Variants in CADPS2 observed in about 807,000 individuals in gnomAD.
CADPS2 encodes the protein calcium dependent secretion activator 2, also known as calcium-dependent secretion activator 2.
In CADPS2, 93 loss-of-function variants were observed where a neutral mutation model predicts 172.5. That is an observed-to-expected ratio of 0.54 (90% CI 0.46 to 0.64). CADPS2 has a LOEUF of 0.64. Among genes scored for constraint, CADPS2 ranks in the 30% least tolerant of loss-of-function variants. The probability of loss-of-function intolerance (pLI) is 0.00; values close to 1 mark genes in which losing one functional copy is unlikely to be tolerated. For synonymous variants in CADPS2, 546 were observed against 555.2 expected (o/e 0.98, Z 0.23); for missense variants, 1,420 against 1,565.9 (o/e 0.91, Z 1.57).
At chr7:122,412,477 G>A (rs1342858034) in intron 19 of CADPS2, among the ~76,000 whole-genome samples, 1 of 152,096 alleles carries the variant, frequency 6.6e-6, no homozygotes, top group Non-Finnish European at 1.5e-5. Context: ...GATATTTAGG[G>A]GAATGCACAT....
chr7:122,875,645 A>T (rs971146118), intron 1 of CADPS2, among the ~76,000 whole-genome samples: 1 of 152,204 alleles, frequency 6.6e-6, no homozygotes, highest in Non-Finnish European at 1.5e-5. Context: ...TACTAAAGAG[A>T]AAACAAATTT....
At chr7:122,405,589 G>A (rs1042222730) in intron 20 of CADPS2, among the ~76,000 whole-genome samples, 2 of 152,124 alleles carry the variant, frequency 1.3e-5, no homozygotes, top group African/African-American at 2.4e-5. Context: ...CTTGAACTTC[G>A]GAGGCCACTG....
intron 6 of CADPS2, among the ~76,000 whole-genome samples, chr7:122,599,502 C>G (rs973236767): frequency 6.6e-5 from 10 of 151,852 alleles, no homozygotes; most frequent in Non-Finnish European, 1.0e-4. Context: ...CTAGAAATAC[C>G]ACATACTGAG....
At chr7:122,712,883 C>A (rs909793311) in intron 2 of CADPS2, among the ~76,000 whole-genome samples, 1 of 151,982 alleles carries the variant, frequency 6.6e-6, no homozygotes, top group African/African-American at 2.4e-5. Context: ...TAATTCTACT[C>A]ATGTGGGCTC....
intron 5 of CADPS2, 58 bp downstream of exon 5, chr7:122,621,423 A>G: frequency 8.9e-7 from 1 of 1,120,542 alleles, no homozygotes; most frequent in East Asian, 2.4e-5. Flanking sequence ...GGTCAACAGA[A>G]ATTATTGTGC....
chr7:122,483,022 G>A (rs1434296631), intron 11 of CADPS2, among the ~76,000 whole-genome samples: 1 of 152,222 alleles, frequency 6.6e-6, no homozygotes, highest in East Asian at 1.9e-4. Flanking sequence ...CAGGTTATCA[G>A]TTAGAGTATT....
intron 1 of CADPS2, among the ~76,000 whole-genome samples, chr7:122,851,961 C>A (rs553585066): frequency 2.6e-4 from 39 of 152,272 alleles, no homozygotes; most frequent in Admixed American, 1.0e-3. Flanking sequence ...CATAGCCACA[C>A]AGACATGGGT....
chr7:122,486,210 A>T (rs1334542567), intron 11 of CADPS2, among the ~76,000 whole-genome samples: 1 of 152,190 alleles, frequency 6.6e-6, no homozygotes, highest in East Asian at 1.9e-4. Flanking sequence ...AATACATTTT[A>T]TAAGGCTATA....
intron 3 of CADPS2, among the ~76,000 whole-genome samples, chr7:122,660,590 A>T (rs1035534941): frequency 6.9e-6 from 1 of 144,686 alleles, no homozygotes; most frequent in African/African-American, 2.6e-5. Flanking sequence ...AAAGACCAAG[A>T]TGATCAGTCT....
chr7:122,685,086 A>G (rs1448787930), intron 2 of CADPS2, among the ~76,000 whole-genome samples: 1 of 152,188 alleles, frequency 6.6e-6, no homozygotes, highest in Non-Finnish European at 1.5e-5. Context: ...CATGTGGAAT[A>G]GCAATGTTAT....
chr7:122,413,598 A>G (rs903260981), intron 19 of CADPS2, among the ~76,000 whole-genome samples: 1 of 152,184 alleles, frequency 6.6e-6, no homozygotes, highest in Non-Finnish European at 1.5e-5. Flanking sequence ...ATTAACCTCC[A>G]CCAAGGGAGC....
At chr7:122,336,380 T>G (rs1057149372) in intron 28 of CADPS2, among the ~76,000 whole-genome samples, 1 of 152,168 alleles carries the variant, frequency 6.6e-6, no homozygotes, top group Non-Finnish European at 1.5e-5. Context: ...GTAGTAGCTA[T>G]CTGTTCTATG....
chr7:122,390,227 A>G (rs1030012836), intron 22 of CADPS2, among the ~76,000 whole-genome samples: 3 of 152,088 alleles, frequency 2.0e-5, no homozygotes, highest in Non-Finnish European at 4.4e-5. Context: ...CAAATGCACC[A>G]TTAAATAAGA....
intron 4 of CADPS2, among the ~76,000 whole-genome samples, chr7:122,622,806 C>G (rs1465490064): frequency 1.3e-5 from 2 of 152,140 alleles, no homozygotes; most frequent in East Asian, 1.9e-4. Context: ...TGTTGTCTCC[C>G]TTGACATCAT....
chr7:122,587,656 A>C lies in CADPS2; in HGVS notation c.1224-6366T>G, dbSNP rs558438369. Reference sequence around the variant, plus strand: ...GTAATGGGATTGCTGTGTCAATTCCATGTCTTTGCTATTGTGAATAGTGCT... The same window carrying C: ...GTAATGGGATTGCTGTGTCAATTCCCTGTCTTTGCTATTGTGAATAGTGCT... On this transcript the variant is annotated intron_variant, in intron 6 of 29. Transcript: ENST00000449022. 7.2e-4 allele frequency among the ~76,000 whole-genome samples: 110 copies of C among 152,006 alleles called. 1 individual carries two copies. Among genetic ancestry groups the C allele is most frequent in the African/African-American group, 2.5e-3 (105 of 41,484 alleles).
intron 27 of CADPS2, among the ~76,000 whole-genome samples, chr7:122,355,738 A>G (rs1353547232): frequency 1.3e-5 from 2 of 152,182 alleles, no homozygotes; most frequent in East Asian, 3.8e-4. Context: ...AAGAACTCAC[A>G]TGGTGACAGA....
In CADPS2 at chr7:122,472,357, G is replaced by GAAGAA. The variant is rs371052408; in HGVS notation, c.1999-800_1999-796dup. Among the ~76,000 whole-genome samples, 1,081 of 152,176 alleles carry GAAGAA rather than the reference G, an allele frequency of 7.1e-3. 5 individuals are homozygous for GAAGAA. Among genetic ancestry groups the GAAGAA allele is most frequent in the Non-Finnish European group, 0.012 (846 of 68,020 alleles). ...GTGAGAAGGCAATAAAGGAAAGGAG[G>GAAGAA]AAGAAAAGAAAAGGAGTAAGAGAAG... On this transcript the variant is annotated intron_variant, in intron 13 of 29. Transcript: ENST00000449022.
At chr7:122,584,770 C>T (rs570513969) in intron 6 of CADPS2, among the ~76,000 whole-genome samples, 1 of 152,060 alleles carries the variant, frequency 6.6e-6, no homozygotes, top group East Asian at 1.9e-4. Flanking sequence ...CAGCTGTTTA[C>T]AGGTGTGATT....
Position 122,574,445 on chromosome 7 carries a change from T to TTAAAAAAA in CADPS2, c.1335+6733_1335+6734insTTTTTTTA, listed in dbSNP as rs1458311901. ...TGGGTGATAGAGTGAGACCCTGTCTTAAAAAAAAAAAAAAAAAAAAAAAGT... is the reference window on the plus strand; with the variant it reads ...TGGGTGATAGAGTGAGACCCTGTCTTTAAAAAAAAAAAAAAAAAAAAAAAAAAAAAAGT... On this transcript the variant is annotated intron_variant, in intron 7 of 29. Transcript: ENST00000449022. Among the ~76,000 whole-genome samples the TTAAAAAAA allele has an allele frequency of 1.6e-3, 62 of 37,980 alleles. 1 individual carries two copies. The highest frequency in any genetic ancestry group is 3.9e-3 in the East Asian group (5 of 1,278). The allele number at this position is 37,980 out of a possible 152,430, so 24.9% of individuals were successfully genotyped here.
Sources: allele counts gnomAD v4.1 joint callset (sites outside exome capture counted in the v4.1 genomes callset), GRCh38; gene constraint gnomAD v4.1.1; transcripts MANE v1.5; gene names NCBI Gene and HGNC (gene_info 2026-07-23, HGNC 2026-07-21).